HERC3: variants seen among roughly 807,000 people sequenced by gnomAD.
HERC3 encodes HECT and RLD domain containing E3 ubiquitin protein ligase 3.
Under a neutral mutation model 129.9 loss-of-function variants are expected in HERC3, and 58 were observed. That is an observed-to-expected ratio of 0.45 (90% confidence interval 0.36 to 0.56). HERC3 has a LOEUF of 0.56. Among genes scored for constraint, HERC3 ranks in the 20% least tolerant of loss-of-function variants. The pLI, the probability that HERC3 is intolerant of heterozygous loss-of-function variation, is 0.00. For missense variants in HERC3, 835 were observed against 1,244.2 expected (o/e 0.67, Z 4.95); for synonymous variants, 430 against 451.0 (o/e 0.95, Z 0.59).
At chr4:88,696,529 A>G (rs545453441) in intron 23 of HERC3, 1 of 152,752 alleles carries the variant, frequency 6.5e-6, no homozygotes, top group South Asian at 2.1e-4. Context: ...ATATGTTGAC[A>G]GTATTTTACA....
At chr4:88,687,097 A>T in intron 22 of HERC3, 120 bp from the exon 23 acceptor site, 1 of 714,416 alleles carries the variant, frequency 1.4e-6, no homozygotes, top group Non-Finnish European at 2.3e-6. Flanking sequence ...TTCTCCCACT[A>T]ATTTTCTGTA....
chr4:88,560,388 C>T, the HERC3 span, among the ~76,000 whole-genome samples: 1 of 152,148 alleles, frequency 6.6e-6, no homozygotes, highest in Non-Finnish European at 1.5e-5. Flanking sequence ...GTTATATCTT[C>T]TTTGGAGAAA....
chr4:88,594,593 C>G (rs1403663369), intron 1 of HERC3, among the ~76,000 whole-genome samples: 2 of 152,158 alleles, frequency 1.3e-5, no homozygotes, highest in African/African-American at 4.8e-5. Flanking sequence ...TTTGGTTTCG[C>G]CAAAAGACGA....
At chr4:88,680,722 G>A (rs1732686275) in intron 20 of HERC3, among the ~76,000 whole-genome samples, 1 of 152,126 alleles carries the variant, frequency 6.6e-6, no homozygotes, top group Non-Finnish European at 1.5e-5. Context: ...CATACCAAAA[G>A]GTAGCCACTA....
intron 1 of HERC3, among the ~76,000 whole-genome samples, 168 bp downstream of exon 1, chr4:88,592,742 C>G (rs1472251838): frequency 1.3e-5 from 2 of 152,106 alleles, no homozygotes; most frequent in African/African-American, 4.8e-5. Flanking sequence ...CCAGAGACGA[C>G]CTGGGTCTGG....
chr4:88,698,881 CTCT>C (rs1263019460), intron 23 of HERC3, among the ~76,000 whole-genome samples: 3 of 147,952 alleles, frequency 2.0e-5, no homozygotes, highest in Admixed American at 6.7e-5. Context: ...CTTCCTCACC[CTCT>C]TCTTCCCCAC....
Position 88,693,075 on chromosome 4 carries a change from G to A in HERC3, c.2657+5776G>A, listed in dbSNP as rs922938476. The A allele has an allele frequency of 1.1e-5, 11 of 980,096 alleles. No homozygotes were observed. In the African/African-American group the frequency reaches 1.9e-4, roughly 17 times the overall value. The allele number at this position is 980,096 out of a possible 1,614,324, so 60.7% of individuals were successfully genotyped here. The stretch of plus-strand genomic sequence containing the variant: ...CTTATATTTAAAATGCTATTTCAGA[G>A]TACTCATGAATGCCCTTAATAGTGA... On this transcript the variant is annotated intron_variant, in intron 23 of 25. Coordinates refer to ENST00000402738, the MANE Select transcript of HERC3 (RefSeq NM_014606.3).
chr4:88,527,518 C>T, the HERC3 span: 1 of 177,430 alleles, frequency 5.6e-6, no homozygotes, highest in Admixed American at 6.4e-5. Context: ...GCCTCAGCCT[C>T]CCAAAGTCCT....
chr4:88,623,571 T>C (rs1182246342), intron 3 of HERC3, among the ~76,000 whole-genome samples: 3 of 152,334 alleles, frequency 2.0e-5, no homozygotes, highest in South Asian at 2.1e-4. Context: ...CTGGGTTCGT[T>C]GTCCCTCACG....
the HERC3 span, among the ~76,000 whole-genome samples, chr4:88,557,718 A>G: frequency 1.3e-5 from 2 of 152,182 alleles, no homozygotes; most frequent in Middle Eastern, 3.2e-3. Context: ...TGGAGTGTAC[A>G]TTAATACAAC....
chr4:88,689,521 C>G (rs1214883284), intron 23 of HERC3, among the ~76,000 whole-genome samples: 1 of 129,214 alleles, frequency 7.7e-6, no homozygotes, highest in South Asian at 2.8e-4. Context: ...CTCATCTCCC[C>G]CCGCCCCCGC....
chr4:88,640,516 T>G (rs1456092655), intron 3 of HERC3, among the ~76,000 whole-genome samples: 2 of 151,418 alleles, frequency 1.3e-5, no homozygotes, highest in Non-Finnish European at 2.9e-5. Flanking sequence ...TAAGTGGGAG[T>G]TGAACAATGA....
chr4:88,691,842 T>G (rs1158995579), intron 23 of HERC3, among the ~76,000 whole-genome samples: 2 of 152,242 alleles, frequency 1.3e-5, no homozygotes, highest in African/African-American at 4.8e-5. Flanking sequence ...ATGAAATAGC[T>G]GTAAGAAGAA....
intron 10 of HERC3, among the ~76,000 whole-genome samples, chr4:88,659,690 C>G (rs776291809): frequency 1.3e-5 from 2 of 152,174 alleles, no homozygotes; most frequent in Non-Finnish European, 2.9e-5. Flanking sequence ...AAGGCACTGA[C>G]TCTGTGGAGG....
At chr4:88,701,822 A>G (rs1416616392) in intron 23 of HERC3, among the ~76,000 whole-genome samples, 11 of 120,924 alleles carry the variant, frequency 9.1e-5, no homozygotes, top group African/African-American at 3.7e-4. Context: ...TTTTTTTTTG[A>G]GATAGGGTCT....
intron 23 of HERC3, among the ~76,000 whole-genome samples, chr4:88,700,883 C>T (rs1463366112): frequency 6.6e-6 from 1 of 152,178 alleles, no homozygotes; most frequent in East Asian, 1.9e-4. Flanking sequence ...GACCTCAAGT[C>T]TTTTTCTCTT....
At chr4:88,597,180 G>A (rs578052459) in intron 2 of HERC3, among the ~76,000 whole-genome samples, 1 of 152,144 alleles carries the variant, frequency 6.6e-6, no homozygotes, top group Non-Finnish European at 1.5e-5. Flanking sequence ...TGGACTGTAA[G>A]ATAGCCACTA....
chr4:88,641,956 C>T (rs892674844), intron 3 of HERC3, among the ~76,000 whole-genome samples: 1 of 151,588 alleles, frequency 6.6e-6, no homozygotes, highest in Non-Finnish European at 1.5e-5. Flanking sequence ...TAGTGAAACT[C>T]CATCTCTACT....
intron 9 of HERC3, among the ~76,000 whole-genome samples, chr4:88,657,955 C>A (rs1028082485): frequency 6.6e-6 from 1 of 151,734 alleles, no homozygotes; most frequent in Non-Finnish European, 1.5e-5. Context: ...ATAAAGGCAA[C>A]GTGGTAGTAG....
Sources: allele counts gnomAD v4.1 joint callset (sites outside exome capture counted in the v4.1 genomes callset), GRCh38; gene constraint gnomAD v4.1.1; transcripts MANE v1.5; gene names NCBI Gene and HGNC (gene_info 2026-07-23, HGNC 2026-07-21).